KLF12: variants seen among roughly 807,000 people sequenced by gnomAD.
KLF12 encodes the protein Krueppel-like factor 12.
A neutral mutation model predicts 37.8 loss-of-function variants in KLF12; 9 were observed. That is an observed-to-expected ratio of 0.24 (90% CI 0.14 to 0.42). The LOEUF is 0.42. Among genes scored for constraint, KLF12 ranks in the 10% least tolerant of loss-of-function variants. The pLI is 1.00. For synonymous variants in KLF12, 208 were observed against 202.1 expected, an observed-to-expected ratio of 1.03 and a Z score of -0.25; for missense variants, 411 against 516.0, an observed-to-expected ratio of 0.80 and a Z score of 1.97.
chr13:73,737,668 T>C (rs1172859104), intron 6 of KLF12, among the ~76,000 whole-genome samples: 2 of 152,168 alleles, frequency 1.3e-5, no homozygotes, highest in African/African-American at 2.4e-5. Context: ...TACTTTAATA[T>C]AGAACAGCAA....
Position 73,813,113 on chromosome 13 carries a change from T to C in KLF12, c.806+39A>G, listed in dbSNP as rs548403813. 189 of 1,608,120 alleles carry C rather than the reference T, an allele frequency of 1.2e-4. 1 individual carries two copies. The highest frequency in any genetic ancestry group is 2.9e-4 in the East Asian group (13 of 44,734). On this transcript the variant is annotated intron_variant, in intron 5 of 7. Coordinates refer to ENST00000377669, the MANE Select transcript of KLF12 (RefSeq NM_007249.5). ...CAGTTTCCATTATCCATTGAACACCTTGGCAATTCTTAATTCATCCTGTGA... is the reference window on the plus strand; with the variant it reads ...CAGTTTCCATTATCCATTGAACACCCTGGCAATTCTTAATTCATCCTGTGA...
chr13:73,782,753 T>C lies in KLF12; in HGVS notation c.807-17753A>G, dbSNP rs562155984. On this transcript the variant is annotated intron_variant, in intron 5 of 7. Coordinates refer to ENST00000377669, the MANE Select transcript of KLF12 (RefSeq NM_007249.5). ...AGTGACTTTAGTTTCTTTTTAGTTTTGAGTCTGTGCATTTCAAAATTTGGT... is the reference window on the plus strand; with the variant it reads ...AGTGACTTTAGTTTCTTTTTAGTTTCGAGTCTGTGCATTTCAAAATTTGGT... Among the ~76,000 whole-genome samples, 4 of 152,346 alleles carry C rather than the reference T, an allele frequency of 2.6e-5. No homozygotes were observed. The South Asian group carries it at 8.3e-4, about 32-fold the overall frequency.
Position 73,687,662 on chromosome 13 carries a change from CT to C in KLF12, c.*7827del, listed in dbSNP as rs1873575629. The C allele has an allele frequency of 6.6e-6, 1 of 152,008 alleles. No individual in the cohort carries two copies. The highest frequency in any genetic ancestry group is 2.1e-4 in the South Asian group (1 of 4,820). The allele number at this position is 152,008 out of a possible 1,614,324, so 9.4% of individuals were successfully genotyped here. ...ATCTTACTTTTTGATTGCTTGGACA[CT>C]TTTATCACTAGATTTGGATCCAAAT... On this transcript the variant is annotated 3_prime_UTR_variant, in exon 8 of 8. Coordinates refer to ENST00000377669, the MANE Select transcript of KLF12 (RefSeq NM_007249.5).
intron 1 of KLF12, among the ~76,000 whole-genome samples, chr13:74,061,325 T>C (rs1018567076): frequency 1.3e-5 from 2 of 152,208 alleles, no homozygotes; most frequent in Non-Finnish European, 2.9e-5. Context: ...ATAGGTGGGT[T>C]CTGGAGCCTA....
intron 1 of KLF12, among the ~76,000 whole-genome samples, chr13:74,110,024 A>ATAG (rs1311712801): frequency 6.6e-6 from 1 of 152,230 alleles, no homozygotes; most frequent in African/African-American, 2.4e-5. Flanking sequence ...CTAAGAGAGG[A>ATAG]TAGTAAACTT....
At chr13:73,847,487 A>G (rs1307531198) in intron 3 of KLF12, among the ~76,000 whole-genome samples, 2 of 152,132 alleles carry the variant, frequency 1.3e-5, no homozygotes, top group African/African-American at 4.8e-5. Flanking sequence ...CATGTTTCCT[A>G]AAGCCTTTTT....
the KLF12 span, among the ~76,000 whole-genome samples, chr13:74,270,423 T>C: frequency 2.0e-5 from 3 of 152,282 alleles, no homozygotes; most frequent in Non-Finnish European, 2.9e-5. Context: ...CCAATGATGC[T>C]ACATAGAGAA....
the KLF12 span, among the ~76,000 whole-genome samples, chr13:74,142,274 A>G: frequency 1.1e-4 from 16 of 152,248 alleles, no homozygotes; most frequent in Non-Finnish European, 2.2e-4. Context: ...AATTTTTAAA[A>G]GTTGGATAAG....
At chr13:73,784,745 C>A (rs1371622231) in intron 5 of KLF12, among the ~76,000 whole-genome samples, 1 of 151,780 alleles carries the variant, frequency 6.6e-6, no homozygotes, top group East Asian at 1.9e-4. Context: ...ATTCTCCTGC[C>A]TCATCCTCCT....
chr13:73,791,857 A>G lies in KLF12; in HGVS notation c.806+21295T>C, dbSNP rs185818367. On this transcript the variant is annotated intron_variant, in intron 5 of 7. Coordinates refer to ENST00000377669, the MANE Select transcript of KLF12 (RefSeq NM_007249.5). ...TGTGGACCAGAGAATACAATCATCA[A>G]AACAGGAATCTAGTTCATCGGCATC... is the stretch of plus-strand genomic sequence containing the variant. Among the ~76,000 whole-genome samples, 493 of 152,344 alleles carry G rather than the reference A, an allele frequency of 3.2e-3. 1 individual carries two copies. Among genetic ancestry groups the G allele is most frequent in the African/African-American group, 0.011 (476 of 41,578 alleles).
chr13:73,835,404 A>G (rs569875113), intron 4 of KLF12, among the ~76,000 whole-genome samples: 61 of 152,306 alleles, frequency 4.0e-4, no homozygotes, highest in African/African-American at 1.4e-3. Context: ...TGACTTCTGG[A>G]AAAGGTGATT....
chr13:73,708,614 G>A (rs1189624729), intron 7 of KLF12, among the ~76,000 whole-genome samples: 1 of 152,066 alleles, frequency 6.6e-6, no homozygotes, highest in Non-Finnish European at 1.5e-5. Context: ...ATGCCTGAAT[G>A]TTACTTGCTT....
rs34644776 is a variant in KLF12 at position 73,797,769 on chromosome 13, C to CAAA, written c.806+15380_806+15382dup. On this transcript the variant is annotated intron_variant, in intron 5 of 7. Coordinates refer to ENST00000377669, the MANE Select transcript of KLF12 (RefSeq NM_007249.5). The stretch of plus-strand genomic sequence containing the variant: ...TGGGCAAGAGAGCAAGATCCTGTCT[C>CAAA]AAAAAAAAAAAAAAAAAAAAAAAAG... Among the ~76,000 whole-genome samples the CAAA allele has an allele frequency of 5.7e-4, 41 of 71,618 alleles. 1 individual carries two copies. Among genetic ancestry groups the CAAA allele is most frequent in the Admixed American group, 3.5e-3 (22 of 6,222 alleles). The allele number at this position is 71,618 out of a possible 152,430, so 47.0% of individuals were successfully genotyped here. A position where few individuals can be genotyped will look rare whatever the true frequency, so the allele number is the denominator to read the frequency against.
intron 5 of KLF12, among the ~76,000 whole-genome samples, chr13:73,796,941 C>T (rs931855738): frequency 6.6e-6 from 1 of 152,050 alleles, no homozygotes; most frequent in South Asian, 2.1e-4. Context: ...AAAAAGAACA[C>T]GATTCCATAC....
At chr13:73,715,280 G>A (rs1002697491) in intron 7 of KLF12, 88 bp downstream of exon 7, 2 of 1,111,534 alleles carry the variant, frequency 1.8e-6, no homozygotes, top group Non-Finnish European at 2.6e-6. Context: ...TACACAGGAT[G>A]AATGAGTACG....
the KLF12 span, among the ~76,000 whole-genome samples, chr13:74,275,700 C>CT: frequency 1.8e-3 from 258 of 144,088 alleles, no homozygotes; most frequent in South Asian, 9.6e-3. Flanking sequence ...TGTATATAAC[C>CT]TTTTTTTTTT....
At chr13:73,958,043 G>A (rs573629690) in intron 2 of KLF12, among the ~76,000 whole-genome samples, 4 of 152,236 alleles carry the variant, frequency 2.6e-5, no homozygotes, top group Admixed American at 6.5e-5. Flanking sequence ...TTGTTGCACC[G>A]TCTATATCTG....
chr13:74,029,037 G>A (rs1893048877), intron 1 of KLF12, among the ~76,000 whole-genome samples: 1 of 151,984 alleles, frequency 6.6e-6, no homozygotes, highest in Admixed American at 6.6e-5. Flanking sequence ...ACATTACCAA[G>A]TAGGTAATTT....
intron 1 of KLF12, among the ~76,000 whole-genome samples, chr13:74,074,998 C>T (rs538756701): frequency 2.0e-5 from 3 of 152,314 alleles, no homozygotes; most frequent in African/African-American, 7.2e-5. Context: ...TAGGCATCTT[C>T]TGCCAACTCA....
Sources: allele counts gnomAD v4.1 joint callset (sites outside exome capture counted in the v4.1 genomes callset), GRCh38; gene constraint gnomAD v4.1.1; transcripts MANE v1.5; gene names NCBI Gene and HGNC (gene_info 2026-07-23, HGNC 2026-07-21).